HDAC9: variants seen among roughly 807,000 people sequenced by gnomAD.
HDAC9 encodes MEF-2 interacting transcription repressor (MITR) protein.
HDAC9 carries 41 observed loss-of-function variants against 139.4 expected under a neutral mutation model. The ratio of observed to expected loss-of-function variants is 0.29; its 90% CI spans 0.23 to 0.38. The LOEUF (loss-of-function observed/expected upper bound fraction) is 0.38. Among genes scored for constraint, HDAC9 ranks in the 10% least tolerant of loss-of-function variants. The pLI is 1.00. For synonymous variants in HDAC9, 517 were observed against 476.2 expected (o/e 1.09, Z -1.12); for missense variants, 1,147 against 1,297.0 (o/e 0.88, Z 1.78).
intron 11 of HDAC9, among the ~76,000 whole-genome samples, chr7:18,654,808 C>G (rs186282234): frequency 6.6e-6 from 1 of 152,266 alleles, no homozygotes; most frequent in East Asian, 1.9e-4. Context: ...TGCCTCCCAA[C>G]TTCACACACA....
chr7:18,813,977 A>G (rs2129193068), intron 17 of HDAC9, among the ~76,000 whole-genome samples: 1 of 152,174 alleles, frequency 6.6e-6, no homozygotes, highest in Non-Finnish European at 1.5e-5. Context: ...TCAGTTTCTC[A>G]TTTGTAGTTT....
At chr7:18,905,977 C>CTCCT (rs1331856917) in intron 22 of HDAC9, among the ~76,000 whole-genome samples, 1 of 141,124 alleles carries the variant, frequency 7.1e-6, no homozygotes, top group African/African-American at 2.7e-5. Context: ...CCTTCCTTCT[C>CTCCT]TCCTTCCTTC....
chr7:18,702,678 GGCAGCTCGGAAATCTGCA>G (rs1347528207), intron 12 of HDAC9, among the ~76,000 whole-genome samples: 3 of 152,138 alleles, frequency 2.0e-5, no homozygotes, highest in Non-Finnish European at 4.4e-5. Flanking sequence ...CATGGGAGGT[GGCAGCTCGGAAATCTGCA>G]TAGTAACAAA....
chr7:18,857,434 G>A (rs1321393052), intron 21 of HDAC9, among the ~76,000 whole-genome samples: 1 of 151,424 alleles, frequency 6.6e-6, no homozygotes, highest in Non-Finnish European at 1.5e-5. Context: ...AATTTTGAAA[G>A]CCACTGTTTA....
chr7:18,371,267 G>T (rs1025767374), intron 1 of HDAC9, among the ~76,000 whole-genome samples: 1 of 152,074 alleles, frequency 6.6e-6, no homozygotes, highest in Non-Finnish European at 1.5e-5. Flanking sequence ...TGGATGTTTG[G>T]GTGTAGGAGA....
intron 22 of HDAC9, among the ~76,000 whole-genome samples, chr7:18,894,932 G>A (rs1252766682): frequency 6.6e-6 from 1 of 151,986 alleles, no homozygotes; most frequent in Admixed American, 6.6e-5. Context: ...GCAGGTGATG[G>A]GTGTAATGGT....
At chr7:18,106,977 T>C (rs762957473) in intron 1 of HDAC9, among the ~76,000 whole-genome samples, 6 of 152,210 alleles carry the variant, frequency 3.9e-5, no homozygotes, top group Non-Finnish European at 7.3e-5. Context: ...TATACCACCT[T>C]TGCAATCAGA....
chr7:18,800,869 A>G (rs1285544617), intron 17 of HDAC9, among the ~76,000 whole-genome samples: 1 of 152,096 alleles, frequency 6.6e-6, no homozygotes, highest in Non-Finnish European at 1.5e-5. Flanking sequence ...TTCTCCAAAG[A>G]CAAAAAATAT....
chr7:18,846,232 C>G (rs1796894468), intron 21 of HDAC9, among the ~76,000 whole-genome samples: 1 of 152,142 alleles, frequency 6.6e-6, no homozygotes, highest in Non-Finnish European at 1.5e-5. Context: ...CACTCACCGA[C>G]TCCTCAGAAG....
intron 6 of HDAC9, among the ~76,000 whole-genome samples, chr7:18,595,660 C>A (rs941011064): frequency 1.3e-5 from 2 of 152,000 alleles, no homozygotes; most frequent in Admixed American, 6.6e-5. Flanking sequence ...GATATAGTTA[C>A]ATTCACAGAG....
intron 16 of HDAC9, among the ~76,000 whole-genome samples, chr7:18,772,208 G>A (rs1269794802): frequency 6.6e-6 from 1 of 152,108 alleles, no homozygotes; most frequent in Non-Finnish European, 1.5e-5. Context: ...TGTGTTGGGG[G>A]TGGTATGAGG....
intron 2 of HDAC9, among the ~76,000 whole-genome samples, chr7:18,166,291 A>G (rs895716555): frequency 6.6e-6 from 1 of 152,198 alleles, no homozygotes; most frequent in Non-Finnish European, 1.5e-5. Flanking sequence ...AAGCTAGCTC[A>G]TCTCTCTTTT....
chr7:18,878,463 G>C (rs1190991853), intron 22 of HDAC9, among the ~76,000 whole-genome samples: 19 of 152,032 alleles, frequency 1.2e-4, no homozygotes, highest in Non-Finnish European at 2.8e-4. Context: ...TAGTCCTTGA[G>C]ACAGAAACCA....
At chr7:18,542,526 T>C (rs1054465676) in intron 2 of HDAC9, among the ~76,000 whole-genome samples, 1 of 152,258 alleles carries the variant, frequency 6.6e-6, no homozygotes, top group African/African-American at 2.4e-5. Flanking sequence ...TCTAAGATTT[T>C]TCTTTGTATA....
intron 7 of HDAC9, among the ~76,000 whole-genome samples, 174 bp from the exon 8 acceptor site, chr7:18,634,453 G>C (rs1416166577): frequency 6.6e-6 from 1 of 151,806 alleles, no homozygotes; most frequent in African/African-American, 2.4e-5. Flanking sequence ...GGAGGAATAA[G>C]TGGTATGAAA....
chr7:18,621,625 T>G (rs1840228103), intron 6 of HDAC9, among the ~76,000 whole-genome samples: 1 of 152,140 alleles, frequency 6.6e-6, no homozygotes, highest in South Asian at 2.1e-4. Flanking sequence ...TTTGAAAACT[T>G]TATATATGAA....
At chr7:18,967,506 C>CCCA (rs1491210553) in intron 24 of HDAC9, among the ~76,000 whole-genome samples, 2 of 119,222 alleles carry the variant, frequency 1.7e-5, no homozygotes, top group Admixed American at 8.1e-5. Context: ...GCCCCCCCCC[C>CCCA]AAAAAAAAAA....
intron 14 of HDAC9, among the ~76,000 whole-genome samples, chr7:18,756,318 TGTC>T (rs549561863): frequency 1.8e-4 from 28 of 152,176 alleles, no homozygotes; most frequent in Admixed American, 1.8e-3. Flanking sequence ...AACTCACAAG[TGTC>T]GTACATAATT....
intron 1 of HDAC9, among the ~76,000 whole-genome samples, chr7:18,456,324 C>T (rs930283343): frequency 3.3e-5 from 5 of 152,162 alleles, no homozygotes; most frequent in East Asian, 1.9e-4. Context: ...GCAAACTCCA[C>T]CTCCCGGGTT....
Sources: gnomAD v4.1 joint callset for allele counts (sites outside exome capture counted in the v4.1 genomes callset) on GRCh38, gnomAD v4.1.1 for gene constraint, MANE v1.5 for transcripts, NCBI Gene and HGNC (gene_info 2026-07-23, HGNC 2026-07-21) for gene names.